Variants in SCHIP1 observed in about 807,000 individuals in gnomAD.
SCHIP1 encodes the protein schwannomin interacting protein 1.
Under a neutral mutation model 29.7 loss-of-function variants are expected in SCHIP1, and 8 were observed. The ratio of observed to expected loss-of-function variants is 0.27; its 90% CI spans 0.16 to 0.49. SCHIP1 has a LOEUF of 0.49. SCHIP1 is among the 20% of genes least tolerant of loss of function. The pLI is 0.99. For synonymous variants in SCHIP1, 76 were observed against 94.9 expected, an observed-to-expected ratio of 0.80 and a Z score of 1.16; for missense variants, 193 against 294.6, an observed-to-expected ratio of 0.66 and a Z score of 2.52.
At chr3:159,609,151 T>C in the SCHIP1 span, among the ~76,000 whole-genome samples, 1 of 152,116 alleles carries the variant, frequency 6.6e-6, no homozygotes, top group African/African-American at 2.4e-5. Context: ...ACAAGTGCAG[T>C]GGCTAAATTT....
chr3:159,626,136 AGATATATC>A, the SCHIP1 span, among the ~76,000 whole-genome samples: 10 of 110,972 alleles, frequency 9.0e-5, no homozygotes, highest in African/African-American at 3.7e-4. Flanking sequence ...ATAGATAGAT[AGATATATC>A]TAGATATATA....
At chr3:159,286,474 T>C in the SCHIP1 span, among the ~76,000 whole-genome samples, 3 of 152,224 alleles carry the variant, frequency 2.0e-5, no homozygotes, top group Non-Finnish European at 4.4e-5. Flanking sequence ...AGTCTACTAT[T>C]GACAGGCATT....
At chr3:159,667,567 T>A in the SCHIP1 span, among the ~76,000 whole-genome samples, 3 of 152,202 alleles carry the variant, frequency 2.0e-5, no homozygotes, top group Admixed American at 2.0e-4. Flanking sequence ...ACACAGGTAG[T>A]GGGCATGGGG....
At chr3:159,283,403 G>T in the SCHIP1 span, among the ~76,000 whole-genome samples, 3 of 152,122 alleles carry the variant, frequency 2.0e-5, no homozygotes, top group Non-Finnish European at 4.4e-5. Flanking sequence ...TCCGCCGCCC[G>T]CCTTGGCCTC....
the SCHIP1 span, among the ~76,000 whole-genome samples, chr3:159,348,216 G>C: frequency 3.3e-5 from 5 of 152,038 alleles, no homozygotes; most frequent in Non-Finnish European, 5.9e-5. Context: ...ATTCAGTATT[G>C]AATGTAGCAA....
the SCHIP1 span, among the ~76,000 whole-genome samples, chr3:159,369,126 C>A: frequency 2.0e-5 from 3 of 152,020 alleles, no homozygotes; most frequent in Admixed American, 6.6e-5. Flanking sequence ...GACAGAGAGC[C>A]TTTTTCTCTA....
At chr3:159,880,100 GCTT>G (rs1007538558) in intron 2 of SCHIP1, among the ~76,000 whole-genome samples, 3 of 152,212 alleles carry the variant, frequency 2.0e-5, no homozygotes, top group Admixed American at 2.0e-4. Flanking sequence ...GCCTTCATCA[GCTT>G]CTGCTGAGGA....
the SCHIP1 span, among the ~76,000 whole-genome samples, chr3:159,717,881 G>A: frequency 6.6e-6 from 1 of 152,176 alleles, no homozygotes; most frequent in African/African-American, 2.4e-5. Context: ...CTCATTTTAT[G>A]AGGCCAGCAT....
chr3:159,426,198 A>G, the SCHIP1 span, among the ~76,000 whole-genome samples: 1 of 152,232 alleles, frequency 6.6e-6, no homozygotes, highest in Non-Finnish European at 1.5e-5. Flanking sequence ...AGATCAGAGC[A>G]GAACTGAAGG....
At chr3:159,576,886 C>G in the SCHIP1 span, among the ~76,000 whole-genome samples, 1 of 152,176 alleles carries the variant, frequency 6.6e-6, no homozygotes, top group Non-Finnish European at 1.5e-5. Context: ...TTGGTTCTGC[C>G]TCTGTATTTC....
At chr3:159,442,656 G>T in the SCHIP1 span, among the ~76,000 whole-genome samples, 1 of 152,146 alleles carries the variant, frequency 6.6e-6, no homozygotes. Context: ...TACCCACCTG[G>T]TCAGATCCAT....
chr3:159,474,278 G>A, the SCHIP1 span, among the ~76,000 whole-genome samples: 1 of 152,110 alleles, frequency 6.6e-6, no homozygotes, highest in Admixed American at 6.6e-5. Flanking sequence ...CACAGAATCT[G>A]TCAAACCACG....
chr3:159,521,685 C>T, the SCHIP1 span, among the ~76,000 whole-genome samples: 70 of 152,294 alleles, frequency 4.6e-4, no homozygotes, highest in African/African-American at 1.5e-3. Context: ...AATTGTAACA[C>T]AAATTTATAT....
the SCHIP1 span, among the ~76,000 whole-genome samples, chr3:159,695,518 A>G: frequency 6.6e-6 from 1 of 152,050 alleles, no homozygotes; most frequent in Non-Finnish European, 1.5e-5. Flanking sequence ...CTCCACCTTC[A>G]TCTCTCTTCT....
chr3:159,393,475 T>G, the SCHIP1 span, among the ~76,000 whole-genome samples: 21 of 152,224 alleles, frequency 1.4e-4, no homozygotes, highest in Non-Finnish European at 7.4e-5. Flanking sequence ...TAATCCATCT[T>G]GAATTGATTT....
the SCHIP1 span, among the ~76,000 whole-genome samples, chr3:159,428,214 G>A: frequency 5.3e-5 from 8 of 152,122 alleles, no homozygotes; most frequent in African/African-American, 1.9e-4. Context: ...TTAAACTAAA[G>A]AGCTTCTGCA....
At chr3:159,582,282 AC>A in the SCHIP1 span, among the ~76,000 whole-genome samples, 1 of 151,258 alleles carries the variant, frequency 6.6e-6, no homozygotes, top group Non-Finnish European at 1.5e-5. Flanking sequence ...GAAATCTCCC[AC>A]CTCCTGAGTA....
the SCHIP1 span, among the ~76,000 whole-genome samples, chr3:159,445,526 G>C: frequency 6.6e-6 from 1 of 151,816 alleles, no homozygotes; most frequent in African/African-American, 2.4e-5. Flanking sequence ...CCCATTACTG[G>C]GTATATACCC....
the SCHIP1 span, among the ~76,000 whole-genome samples, chr3:159,484,462 A>C: frequency 2.0e-5 from 3 of 152,194 alleles, no homozygotes; most frequent in Non-Finnish European, 4.4e-5. Flanking sequence ...AAAAATCTCC[A>C]TGGTATGAAT....
Sources: allele counts gnomAD v4.1 joint callset (sites outside exome capture counted in the v4.1 genomes callset), GRCh38; gene constraint gnomAD v4.1.1; transcripts MANE v1.5; gene names NCBI Gene and HGNC (gene_info 2026-07-23, HGNC 2026-07-21).